Variants in DGKG observed in about 807,000 individuals in gnomAD.
DGKG encodes DAG kinase gamma.
In DGKG, 78 loss-of-function variants were observed where a neutral mutation model predicts 105.3. The ratio of observed to expected loss-of-function variants is 0.74; its 90% confidence interval spans 0.62 to 0.89. The LOEUF is 0.89. Among genes scored for constraint, DGKG ranks in the 40% least tolerant of loss-of-function variants. The pLI, the probability that DGKG is intolerant of heterozygous loss-of-function variation, is 0.00. For missense variants in DGKG, 958 were observed against 1,020.1 expected, an observed-to-expected ratio of 0.94 and a Z score of 0.83; for synonymous variants, 346 against 367.1, an observed-to-expected ratio of 0.94 and a Z score of 0.66.
chr3:186,332,779 G>A (rs946435672), intron 1 of DGKG, among the ~76,000 whole-genome samples: 13 of 152,126 alleles, frequency 8.5e-5, no homozygotes, highest in African/African-American at 2.9e-4. Context: ...TCTCCAAAGT[G>A]GCAGTATTGA....
chr3:186,150,796 T>G (rs1715725424), intron 24 of DGKG, among the ~76,000 whole-genome samples: 1 of 152,212 alleles, frequency 6.6e-6, no homozygotes, highest in Admixed American at 6.5e-5. Flanking sequence ...AATTTTAGGG[T>G]TTATAAGTGT....
chr3:186,348,923 AC>A (rs1414998150), intron 1 of DGKG, among the ~76,000 whole-genome samples: 1 of 152,106 alleles, frequency 6.6e-6, no homozygotes, highest in African/African-American at 2.4e-5. Flanking sequence ...ACCAGAATAT[AC>A]TTTTAATTTT....
In DGKG at chr3:186,334,841, C is replaced by A. The variant is rs149095240; in HGVS notation, c.-248-14134G>T. Among the ~76,000 whole-genome samples the A allele has an allele frequency of 5.9e-3, 902 of 152,064 alleles. 7 individuals are homozygous for A. The highest frequency in any genetic ancestry group is 0.014 in the Middle Eastern group (4 of 292). On this transcript the variant is annotated intron_variant, in intron 1 of 24. Coordinates refer to ENST00000265022, the MANE Select transcript of DGKG (RefSeq NM_001346.3). ...ATTATGTTATATGACACAAAGTTAACGGGCATTGGCTTGTGGCAGTACTTG... is the reference window on the plus strand; with the variant it reads ...ATTATGTTATATGACACAAAGTTAAAGGGCATTGGCTTGTGGCAGTACTTG...
At chr3:186,192,447 T>C (rs1177931895) in intron 21 of DGKG, among the ~76,000 whole-genome samples, 3 of 152,226 alleles carry the variant, frequency 2.0e-5, no homozygotes, top group African/African-American at 7.2e-5. Context: ...ATAAGAATAA[T>C]ATTAGCAACT....
Position 186,320,690 on chromosome 3 carries a change from C to A in DGKG, c.-231G>T. 2.0e-6 allele frequency: 1 copy of A among 510,230 alleles called. No homozygotes were observed. Among genetic ancestry groups the A allele is most frequent in the Middle Eastern group, 5.4e-4 (1 of 1,844 alleles). 31.6% of individuals were successfully genotyped at this position (510,230 alleles called of 1,614,324 possible). ...CTCCTGTCTGTATTCAAGGTAAATTCAGAAGTCCTGGCTCTTCCTAGATAG... is the reference window on the plus strand; with the variant it reads ...CTCCTGTCTGTATTCAAGGTAAATTAAGAAGTCCTGGCTCTTCCTAGATAG... On this transcript the variant is annotated 5_prime_UTR_variant, in exon 2 of 25. Transcript: ENST00000265022.
At position 186,284,298 on chromosome 3, in the gene DGKG, T is replaced by A. The variant is rs1709814327; in HGVS notation, c.594+362A>T. On this transcript the variant is annotated intron_variant, in intron 7 of 24. Transcript: ENST00000265022. The surrounding 1 kb of genome is among the most constrained non-coding windows in gnomAD (Gnocchi z 4.0). ...GCCTCCTTCCTCGTGCCCTTTTCCC[T>A]TGGTCTTGTTGCCTCCCCCGCCCTC... is the stretch of plus-strand genomic sequence containing the variant. Among the ~76,000 whole-genome samples the A allele has an allele frequency of 6.6e-6, 1 of 152,128 alleles. No homozygotes were observed. Among genetic ancestry groups the A allele is most frequent in the Non-Finnish European group, 1.5e-5 (1 of 68,018 alleles).
intron 24 of DGKG, chr3:186,158,928 C>A: frequency 1.5e-6 from 1 of 650,714 alleles, no homozygotes; most frequent in Non-Finnish European, 1.9e-6. Context: ...CTAAAATTAG[C>A]ATAATTAACA....
intron 20 of DGKG, among the ~76,000 whole-genome samples, chr3:186,221,869 G>T (rs761153079): frequency 6.6e-6 from 1 of 152,222 alleles, no homozygotes; most frequent in African/African-American, 2.4e-5. Context: ...TACCGTGACC[G>T]CCGGGTGGGT....
At chr3:186,347,649 T>A (rs1726411609) in intron 1 of DGKG, among the ~76,000 whole-genome samples, 1 of 151,910 alleles carries the variant, frequency 6.6e-6, no homozygotes, top group African/African-American at 2.4e-5. Flanking sequence ...AGTGGCACAA[T>A]CTTGGCTCAC....
chr3:186,286,275 C>A (rs996082039), intron 6 of DGKG, among the ~76,000 whole-genome samples: 9 of 152,190 alleles, frequency 5.9e-5, no homozygotes, highest in African/African-American at 2.2e-4. Context: ...ATGCTGCTGA[C>A]TCACCCAGCA....
chr3:186,220,969 C>T (rs576187911), intron 20 of DGKG, among the ~76,000 whole-genome samples: 2 of 152,212 alleles, frequency 1.3e-5, no homozygotes, highest in Non-Finnish European at 2.9e-5. Flanking sequence ...CGAAGATTGC[C>T]AAAGTCTGAA....
At chr3:186,185,267 GA>G (rs1231347784) in intron 22 of DGKG, among the ~76,000 whole-genome samples, 2 of 152,194 alleles carry the variant, frequency 1.3e-5, no homozygotes, top group Non-Finnish European at 1.5e-5. Flanking sequence ...GCAAAGCCCA[GA>G]AGTCAGTGCC....
chr3:186,273,660 C>T (rs955835721), intron 10 of DGKG, among the ~76,000 whole-genome samples: 6 of 152,136 alleles, frequency 3.9e-5, no homozygotes, highest in South Asian at 2.1e-4. Context: ...GCGTGAATCA[C>T]CGCGCCAGGC....
chr3:186,207,432 A>G (rs1718800895), intron 21 of DGKG: 2 of 985,058 alleles, frequency 2.0e-6, no homozygotes, highest in Non-Finnish European at 1.2e-6. Context: ...ACCTTCTCTC[A>G]GCCTGTGTCC....
chr3:186,246,723 A>G (rs893525983), intron 19 of DGKG, among the ~76,000 whole-genome samples: 14 of 152,184 alleles, frequency 9.2e-5, no homozygotes, highest in Non-Finnish European at 1.5e-4. Context: ...TGCAGGAAAA[A>G]TTATGTCTTG....
chr3:186,246,228 T>A (rs1316716655), intron 19 of DGKG, among the ~76,000 whole-genome samples: 2 of 152,210 alleles, frequency 1.3e-5, no homozygotes, highest in Admixed American at 6.5e-5. Flanking sequence ...CACCTCAGCC[T>A]CCCAAAGTGT....
At position 186,288,887 on chromosome 3, in the gene DGKG, T is replaced by C. The variant is rs769264504; in HGVS notation, c.374-7A>G. 2.6e-5 allele frequency: 40 copies of C among 1,545,608 alleles called. No individual in the cohort carries two copies. Among genetic ancestry groups the C allele is most frequent in the Non-Finnish European group, 3.1e-5 (36 of 1,148,942 alleles). ...TTCTCAGCCATATTTGATTCTGCGA[T>C]GAACAAAAGGAAAACATCCAAGGAC... On this transcript the variant is annotated splice_region_variant and splice_polypyrimidine_tract_variant and intron_variant, in intron 5 of 24. Transcript: ENST00000265022.
At chr3:186,209,088 CTCTTCTT>C in intron 21 of DGKG, among the ~76,000 whole-genome samples, 2 of 124,904 alleles carry the variant, frequency 1.6e-5, no homozygotes, top group African/African-American at 6.7e-5. Flanking sequence ...CTTCAGTTTA[CTCTTCTT>C]TTTTTTTTTT....
intron 22 of DGKG, among the ~76,000 whole-genome samples, chr3:186,165,700 CAGT>C (rs1196861406): frequency 1.3e-5 from 2 of 152,230 alleles, no homozygotes; most frequent in African/African-American, 4.8e-5. Context: ...TGGTCTCCCA[CAGT>C]GGGATTTGCT....
Sources: allele counts gnomAD v4.1 joint callset (sites outside exome capture counted in the v4.1 genomes callset), GRCh38; gene constraint gnomAD v4.1.1; non-coding constraint Gnocchi (gnomAD v3.1); transcripts MANE v1.5; gene names NCBI Gene and HGNC (gene_info 2026-07-23, HGNC 2026-07-21).